Variants in CPED1 observed in about 807,000 individuals in gnomAD.
CPED1 encodes cadherin like and PC-esterase domain containing 1.
CPED1 carries 114 observed loss-of-function variants against 128.2 expected under a neutral mutation model. The ratio of observed to expected loss-of-function variants is 0.89; its 90% confidence interval spans 0.76 to 1.04. The LOEUF (loss-of-function observed/expected upper bound fraction) is 1.04. Among genes scored for constraint, CPED1 ranks in the 50% least tolerant of loss-of-function variants. CPED1 has a pLI of 0.00. For missense variants in CPED1, 1,211 were observed against 1,207.1 expected (o/e 1.00, Z -0.05); for synonymous variants, 462 against 426.7 (o/e 1.08, Z -1.02).
intron 10 of CPED1, among the ~76,000 whole-genome samples, chr7:121,127,507 TTC>T (rs1359030839): frequency 6.6e-6 from 1 of 151,246 alleles, no homozygotes; most frequent in Non-Finnish European, 1.5e-5. Context: ...TTCTTATTTT[TTC>T]TTTTTGTTTT....
At chr7:121,043,098 C>T (rs1302890038) in intron 3 of CPED1, among the ~76,000 whole-genome samples, 1 of 150,508 alleles carries the variant, frequency 6.6e-6, no homozygotes, top group East Asian at 1.9e-4. Context: ...AAGAGCCTGT[C>T]CTAGGCCATT....
At chr7:121,001,352 A>C (rs41702) in intron 2 of CPED1, among the ~76,000 whole-genome samples, 148,432 of 152,188 alleles carry the variant, frequency 0.98, 72,409 homozygotes, top group Middle Eastern at 1. Context: ...TTTTCATAGC[A>C]AGTCTCTTGT....
chr7:121,175,356 A>T (rs574327261), intron 16 of CPED1, among the ~76,000 whole-genome samples: 4 of 152,156 alleles, frequency 2.6e-5, no homozygotes, highest in Non-Finnish European at 4.4e-5. Flanking sequence ...TGGATCTGTC[A>T]TAGATGGCTA....
chr7:121,198,879 A>C lies in CPED1; in HGVS notation c.2056-37835A>C, dbSNP rs1584589980. Among the ~76,000 whole-genome samples, 2 of 152,264 alleles carry C rather than the reference A, an allele frequency of 1.3e-5. 1 individual carries two copies. Among genetic ancestry groups the C allele is most frequent in the Non-Finnish European group, 2.9e-5 (2 of 68,004 alleles). ...TGTTACACGGACCTTCAAATCTGGGAAGATTCCCTCTGAAGCAAATGTGAT... is the reference window on the plus strand; with the variant it reads ...TGTTACACGGACCTTCAAATCTGGGCAGATTCCCTCTGAAGCAAATGTGAT... On this transcript the variant is annotated intron_variant, in intron 16 of 22. Coordinates refer to ENST00000310396, the MANE Select transcript of CPED1 (RefSeq NM_024913.5).
At chr7:121,255,454 C>T (rs1414983884) in intron 18 of CPED1, among the ~76,000 whole-genome samples, 1 of 151,998 alleles carries the variant, frequency 6.6e-6, no homozygotes, top group Non-Finnish European at 1.5e-5. Context: ...CCACAGCTAA[C>T]ATCATATGGA....
intron 16 of CPED1, among the ~76,000 whole-genome samples, chr7:121,178,187 G>A (rs187502788): frequency 6.6e-6 from 1 of 152,152 alleles, no homozygotes; most frequent in East Asian, 1.9e-4. Flanking sequence ...GTGAAAAGAG[G>A]AGAAATGACA....
rs1349297351 is a variant in CPED1, at chr7:121,236,713, G to A, written c.2056-1G>A. ...AACTAATATCTATTATTTTAATGCA[G>A]GATTGTGGTTTGCTGATTCATCCAG... On this transcript the variant is annotated splice_acceptor_variant, in intron 16 of 22. Coordinates refer to ENST00000310396, the MANE Select transcript of CPED1 (RefSeq NM_024913.5). LOFTEE classifies it high-confidence loss of function. 1.3e-6 allele frequency: 2 copies of A among 1,558,524 alleles called. No homozygotes were observed. Among genetic ancestry groups the A allele is most frequent in the South Asian group, 2.4e-5 (2 of 84,496 alleles).
chr7:121,215,521 C>T (rs1189380786), intron 16 of CPED1, among the ~76,000 whole-genome samples: 3 of 152,164 alleles, frequency 2.0e-5, no homozygotes, highest in East Asian at 3.9e-4. Flanking sequence ...ATGTGGATTG[C>T]ACAGTAACTG....
chr7:121,079,988 G>GT (rs1217860040), intron 5 of CPED1, among the ~76,000 whole-genome samples: 5 of 152,134 alleles, frequency 3.3e-5, no homozygotes, highest in South Asian at 2.1e-4. Flanking sequence ...AAGATATTCA[G>GT]TTTTTTGATC....
rs182068837 is a variant in CPED1 at position 121,086,003 on chromosome 7, G to A, written c.617-11696G>A. 2.7e-4 allele frequency among the ~76,000 whole-genome samples: 41 copies of A among 152,270 alleles called. No homozygotes were observed. The East Asian group carries it at 6.4e-3, about 24-fold the overall frequency. On this transcript the variant is annotated intron_variant, in intron 5 of 22. Coordinates refer to ENST00000310396, the MANE Select transcript of CPED1 (RefSeq NM_024913.5). ...TTGTGATCCAAATATTGCAGAAGCA[G>A]GAAGGTTTACTTTGAATCTAAATAC...
At chr7:121,219,839 T>C (rs1797839249) in intron 16 of CPED1, among the ~76,000 whole-genome samples, 1 of 152,064 alleles carries the variant, frequency 6.6e-6, no homozygotes, top group African/African-American at 2.4e-5. Context: ...TAAAACATAA[T>C]AACACCCAGC....
chr7:121,124,411 A>T lies in CPED1; in HGVS notation c.999A>T (p.Lys333Asn). ...ACATTATGAAGGAAGCAATTGGCAA[A>T]CTACTGCTAGCGGCTGAAGTATTCA... Reference protein sequence around the residue: ...AFDIMKEAIGKLLLAAEVFSE... With the variant: ...AFDIMKEAIGNLLLAAEVFSE... Residue 333 changes from lysine (K) to asparagine (N), a missense_variant, in exon 8 of 23, where the codon AAA (lysine) becomes AAT (asparagine). Physicochemically the swap from Lys to Asn is moderately conservative, Grantham distance 94. Coordinates refer to ENST00000310396, the MANE Select transcript of CPED1 (RefSeq NM_024913.5). 1 of 1,608,728 alleles carries T rather than the reference A, an allele frequency of 6.2e-7. No homozygotes were observed.
At chr7:121,012,169 A>G (rs1179218042) in intron 2 of CPED1, among the ~76,000 whole-genome samples, 1 of 152,196 alleles carries the variant, frequency 6.6e-6, no homozygotes, top group African/African-American at 2.4e-5. Context: ...GCTGCATCCA[A>G]TGCTCCCAGT....
At chr7:121,179,131 A>C (rs1383755247) in intron 16 of CPED1, among the ~76,000 whole-genome samples, 1 of 152,094 alleles carries the variant, frequency 6.6e-6, no homozygotes, top group Non-Finnish European at 1.5e-5. Flanking sequence ...CTGAAGGAAA[A>C]TGATGGGGTA....
intron 5 of CPED1, among the ~76,000 whole-genome samples, chr7:121,065,654 G>GT (rs1356812180): frequency 6.6e-6 from 1 of 152,046 alleles, no homozygotes; most frequent in African/African-American, 2.4e-5. Context: ...GATTACCAGT[G>GT]TTTTAAAAAG....
At chr7:121,090,495 G>A (rs1205644236) in intron 5 of CPED1, among the ~76,000 whole-genome samples, 1 of 152,202 alleles carries the variant, frequency 6.6e-6, no homozygotes, top group African/African-American at 2.4e-5. Flanking sequence ...CACACAAGTA[G>A]TAATACAATA....
At position 121,244,205 on chromosome 7, in the gene CPED1, A is replaced by G; in HGVS notation, c.2177A>G (p.Gln726Arg). Residue 726 changes from glutamine to arginine, a missense_variant, in exon 18 of 23, where the codon CAG (glutamine) becomes CGG (arginine). Physicochemically the swap from Gln to Arg is conservative, Grantham distance 43. Transcript: ENST00000310396. Reference protein sequence around the residue: ...KRCPSGDMKGQWIVPCLSCSD... With the variant: ...KRCPSGDMKGRWIVPCLSCSD... Reference sequence around the variant, plus strand: ...AAAGTTTTGCCATCTATTCCAGGCCAGTGGATTGTGCCTTGCCTTAGTTGT... The same window carrying G: ...AAAGTTTTGCCATCTATTCCAGGCCGGTGGATTGTGCCTTGCCTTAGTTGT... 1 of 1,614,166 alleles carries G rather than the reference A, an allele frequency of 6.2e-7. No homozygotes were observed. The highest frequency in any genetic ancestry group is 1.1e-5 in the South Asian group (1 of 91,084).
At chr7:120,997,451 C>CATTG (rs1796425613) in intron 2 of CPED1, among the ~76,000 whole-genome samples, 1 of 152,180 alleles carries the variant, frequency 6.6e-6, no homozygotes, top group Admixed American at 6.5e-5. Context: ...TAACTCCATT[C>CATTG]ATTGGTATTA....
rs547021365 is a variant in CPED1, at chr7:121,097,822, G to A, written c.740G>A (p.Arg247His). 329 of 1,613,640 alleles carry A rather than the reference G, an allele frequency of 2.0e-4. 3 individuals carry two copies. The South Asian group carries it at 3.2e-3, about 16-fold the overall frequency. Residue 247 changes from arginine (R) to histidine (H), a missense_variant, in exon 6 of 23, where the codon CGT becomes CAT. By Grantham distance (29) the Arg-to-His change is conservative. Coordinates refer to ENST00000310396, the MANE Select transcript of CPED1 (RefSeq NM_024913.5). ...GTGTGGAAACCAGGGGACTGGAGTC[G>A]TGAACAGCTGTAAGCTAATCATTTT... Reference protein sequence around the residue: ...PRVWKPGDWSREQLNETTVLA... With the variant: ...PRVWKPGDWSHEQLNETTVLA...
Sources: gnomAD v4.1 joint callset for allele counts (sites outside exome capture counted in the v4.1 genomes callset) on GRCh38, gnomAD v4.1.1 for gene constraint, MANE v1.5 for transcripts, NCBI Gene and HGNC (gene_info 2026-07-23, HGNC 2026-07-21) for gene names.